SLC2A9: variants seen among roughly 807,000 people sequenced by gnomAD.
SLC2A9 encodes the protein solute carrier family 2 member 9.
In SLC2A9, 39 loss-of-function variants were observed where a neutral mutation model predicts 50.6. That is an observed-to-expected ratio of 0.77 (90% confidence interval 0.60 to 1.01). The LOEUF is 1.01. Ranked by LOEUF, SLC2A9 falls within the 50% of genes least tolerant of loss-of-function variation. The pLI, the probability that SLC2A9 is intolerant of heterozygous loss-of-function variation, is 0.00. For missense variants in SLC2A9, 686 were observed against 677.6 expected (o/e 1.01, Z -0.14); for synonymous variants, 324 against 276.9 (o/e 1.17, Z -1.69).
At chr4:9,908,113 A>G (rs1437272415) in intron 8 of SLC2A9, 122 bp downstream of exon 8, 21 of 766,404 alleles carry the variant, frequency 2.7e-5, no homozygotes, top group Non-Finnish European at 5.0e-5. Context: ...ATAGGAAACC[A>G]CATTGTCCTA....
At chr4:9,882,879 G>T (rs1455633538) in intron 10 of SLC2A9, among the ~76,000 whole-genome samples, 3 of 152,120 alleles carry the variant, frequency 2.0e-5, no homozygotes, top group Non-Finnish European at 4.4e-5. Flanking sequence ...TTTATTAGCA[G>T]AACAATAAGG....
intron 7 of SLC2A9, among the ~76,000 whole-genome samples, chr4:9,911,489 C>A (rs1057133901): frequency 6.6e-6 from 1 of 152,160 alleles, no homozygotes; most frequent in African/African-American, 2.4e-5. Flanking sequence ...GTGCATCCTG[C>A]CCCGGAGCCC....
chr4:9,812,137 G>C (rs895718069), intron 3 of SLC2A9, among the ~76,000 whole-genome samples: 12 of 152,162 alleles, frequency 7.9e-5, no homozygotes, highest in African/African-American at 2.9e-4. Flanking sequence ...CTCGGTTTCA[G>C]CCAAATTTTA....
chr4:9,808,418 C>G (rs1420557045), intron 3 of SLC2A9, among the ~76,000 whole-genome samples: 1 of 152,166 alleles, frequency 6.6e-6, no homozygotes, highest in Admixed American at 6.5e-5. Context: ...GAGAAGCAGT[C>G]AGCCTTTAGG....
intron 5 of SLC2A9, among the ~76,000 whole-genome samples, chr4:9,969,109 A>G (rs80061611): frequency 0.065 from 9,829 of 152,230 alleles, 824 homozygotes; most frequent in East Asian, 0.46. Context: ...GAAAGCCTCA[A>G]AGGACTTCTC....
chr4:10,036,579 C>T (rs756427609), intron 1 of SLC2A9, among the ~76,000 whole-genome samples: 10 of 152,088 alleles, frequency 6.6e-5, no homozygotes, highest in Admixed American at 1.3e-4. Flanking sequence ...TGTATTTTTC[C>T]TCAACATTAG....
intron 8 of SLC2A9, among the ~76,000 whole-genome samples, chr4:9,900,372 C>G (rs532883471): frequency 4.6e-5 from 7 of 151,968 alleles, no homozygotes; most frequent in African/African-American, 1.7e-4. Flanking sequence ...GAGCACATCC[C>G]AAGAGTCAGA....
Position 9,852,301 on chromosome 4 carries a change from G to A in SLC2A9, c.1292-17293C>T, listed in dbSNP as rs547148886. ...CGCTCTGTCGCCCAGGCCGGACTGCGGACTGCAGTGGCGCAATCTCGGCTC... is the reference window on the plus strand; with the variant it reads ...CGCTCTGTCGCCCAGGCCGGACTGCAGACTGCAGTGGCGCAATCTCGGCTC... On this transcript the variant is annotated intron_variant, in intron 10 of 11. Transcript: ENST00000264784. 3.3e-5 allele frequency among the ~76,000 whole-genome samples: 5 copies of A among 151,288 alleles called. No individual in the cohort carries two copies. In the East Asian group the frequency reaches 5.8e-4, roughly 18 times the overall value.
downstream of SLC2A9, among the ~76,000 whole-genome samples, chr4:9,795,996 T>C (rs1029069778): frequency 5.3e-5 from 8 of 152,178 alleles, no homozygotes; most frequent in African/African-American, 1.9e-4. Flanking sequence ...AGTCCCACTT[T>C]ACAGGTGACA....
intron 1 of SLC2A9, 101 bp from the exon 2 acceptor site, chr4:10,019,174 G>T (rs1763180876): frequency 3.1e-6 from 3 of 956,758 alleles, no homozygotes; most frequent in African/African-American, 3.3e-5. Flanking sequence ...CCTTCCGGAG[G>T]AGAAGTCTTT....
chr4:9,853,598 C>T lies in SLC2A9; in HGVS notation c.1292-18590G>A, dbSNP rs1360386950. Among the ~76,000 whole-genome samples, 3 of 152,230 alleles carry T rather than the reference C, an allele frequency of 2.0e-5. No homozygotes were observed. The East Asian group carries it at 5.8e-4, about 29-fold the overall frequency. The stretch of plus-strand genomic sequence containing the variant: ...GACAGTATCAGACAGATGATCAGGG[C>T]AGAAAACCAGCAAAGATATTTGGGA... On this transcript the variant is annotated intron_variant, in intron 10 of 11. Coordinates refer to ENST00000264784, the MANE Select transcript of SLC2A9 (RefSeq NM_020041.3).
chr4:9,961,324 G>A (rs190380096), intron 5 of SLC2A9, among the ~76,000 whole-genome samples: 2 of 152,304 alleles, frequency 1.3e-5, no homozygotes, highest in African/African-American at 4.8e-5. Context: ...CAAGGCTACA[G>A]TAACCAAAAC....
chr4:9,945,113 CAGCAACCCTTACTGAGCAGGGGCT>C (rs1217478771), intron 5 of SLC2A9, among the ~76,000 whole-genome samples: 2 of 152,258 alleles, frequency 1.3e-5, no homozygotes, highest in Non-Finnish European at 2.9e-5. Flanking sequence ...TAATCGCCAT[CAGCAACCCTTACTGAGCAGGGGCT>C]TGCAGCCAGG....
intron 2 of SLC2A9, among the ~76,000 whole-genome samples, chr4:10,003,249 GC>G (rs1760165773): frequency 1.3e-5 from 2 of 152,184 alleles, no homozygotes; most frequent in African/African-American, 4.8e-5. Context: ...AAGGAGTCAG[GC>G]TAATACCCAC....
chr4:9,964,228 A>C (rs774387319), intron 5 of SLC2A9, among the ~76,000 whole-genome samples: 2 of 151,610 alleles, frequency 1.3e-5, no homozygotes, highest in African/African-American at 2.4e-5. Context: ...TCTTGGTTCA[A>C]CAGGGATTGG....
intron 8 of SLC2A9, among the ~76,000 whole-genome samples, chr4:9,895,553 C>G (rs1738383931): frequency 6.6e-6 from 1 of 152,226 alleles, no homozygotes; most frequent in Non-Finnish European, 1.5e-5. Flanking sequence ...CCTCTGGGGA[C>G]TCTGGAGCCA....
At chr4:9,812,992 C>T (rs1304045940) in intron 3 of SLC2A9, among the ~76,000 whole-genome samples, 2 of 152,192 alleles carry the variant, frequency 1.3e-5, no homozygotes, top group Non-Finnish European at 1.5e-5. Context: ...TGCTGAGTCC[C>T]TGTCACTCAG....
chr4:9,772,362 T>C (rs1365026104), intron 1 of SLC2A9, among the ~76,000 whole-genome samples: 3 of 152,260 alleles, frequency 2.0e-5, no homozygotes, highest in Non-Finnish European at 4.4e-5. Context: ...CAATCCTTCC[T>C]GGCCTTTCCA....
At chr4:9,888,641 T>G (rs1420822000) in intron 9 of SLC2A9, among the ~76,000 whole-genome samples, 2 of 151,776 alleles carry the variant, frequency 1.3e-5, no homozygotes, top group African/African-American at 2.4e-5. Flanking sequence ...CTCTGTAGGC[T>G]GAGCCAGAGT....
Sources: allele counts gnomAD v4.1 joint callset (sites outside exome capture counted in the v4.1 genomes callset), GRCh38; gene constraint gnomAD v4.1.1; transcripts MANE v1.5; gene names NCBI Gene and HGNC (gene_info 2026-07-23, HGNC 2026-07-21).